Variants in CCNT1 observed in about 807,000 individuals in gnomAD.
CCNT1 encodes the protein cyclin T1, also known as cyclin-T1.
CCNT1 carries 18 observed loss-of-function variants against 67.3 expected under a neutral mutation model. The observed-to-expected ratio is 0.27, with a 90% CI of 0.18 to 0.40. The LOEUF (loss-of-function observed/expected upper bound fraction) is 0.40. Ranked by LOEUF, CCNT1 falls within the 10% of genes least tolerant of loss-of-function variation. The pLI is 1.00. For synonymous variants in CCNT1, 333 were observed against 310.3 expected, an observed-to-expected ratio of 1.07 and a Z score of -0.77; for missense variants, 744 against 884.9, an observed-to-expected ratio of 0.84 and a Z score of 2.02.
intron 6 of CCNT1, among the ~76,000 whole-genome samples, chr12:48,697,037 T>C (rs939782098): frequency 1.3e-5 from 2 of 152,120 alleles, no homozygotes. Context: ...TTTCACCATG[T>C]TGGCCAGGTT....
Position 48,698,121 on chromosome 12 carries a change from A to C in CCNT1, c.542+17T>G. The C allele has an allele frequency of 6.5e-7, 1 of 1,549,890 alleles. No homozygotes were observed. The highest frequency in any genetic ancestry group is 1.2e-5 in the South Asian group (1 of 80,400). ...CTATACCAAAAATCGAAGAGAAAAA[A>C]AAATTAAAATATAAACCTGTTGGTT... On this transcript the variant is annotated intron_variant, in intron 6 of 8. Transcript: ENST00000261900.
In CCNT1 at chr12:48,705,524, T is replaced by A. The variant is rs944525766; in HGVS notation, c.372+244A>T. 2.4e-5 allele frequency: 10 copies of A among 423,944 alleles called. No individual in the cohort carries two copies. The Admixed American group carries it at 4.4e-4, about 18-fold the overall frequency. The allele number at this position is 423,944 out of a possible 1,614,324, so 26.3% of individuals were successfully genotyped here. ...CTGGCCTAAAGTGATTCTCCCACCT[T>A]ACCCTCCCAAAGTGCTAGGATTACA... On this transcript the variant is annotated intron_variant, in intron 3 of 8. Transcript: ENST00000261900.
Position 48,691,166 on chromosome 12 carries a change from T to C in CCNT1, c.*1867A>G, listed in dbSNP as rs1281587093. The C allele has an allele frequency of 2.0e-5, 3 of 152,206 alleles. No individual in the cohort carries two copies. Among genetic ancestry groups the C allele is most frequent in the Non-Finnish European group, 2.9e-5 (2 of 68,030 alleles). 9.4% of individuals were successfully genotyped at this position (152,206 alleles called of 1,614,324 possible). On this transcript the variant is annotated 3_prime_UTR_variant, in exon 9 of 9. Coordinates refer to ENST00000261900, the MANE Select transcript of CCNT1 (RefSeq NM_001240.4). ...GCAGGAACTCTAGACAGTTCAAATA[T>C]GCAAGATGCAGGGCACTAACCCACC... is the stretch of plus-strand genomic sequence containing the variant.
chr12:48,706,070 A>G (rs1940353449), intron 2 of CCNT1, among the ~76,000 whole-genome samples, 174 bp from the exon 3 acceptor site: 1 of 151,756 alleles, frequency 6.6e-6, no homozygotes, highest in African/African-American at 2.4e-5. Flanking sequence ...CTACCCATTA[A>G]TCCATCTCCA....
Position 48,692,992 on chromosome 12 carries a change from T to C in CCNT1, c.*41A>G. On this transcript the variant is annotated 3_prime_UTR_variant, in exon 9 of 9. Transcript: ENST00000261900. ...AAAAAAAAAAAAGAAAAATTATGTG[T>C]TTTTTTAAAGAAGTTTTTTTCTCCT... 3 of 1,338,944 alleles carry C rather than the reference T, an allele frequency of 2.2e-6. No individual in the cohort carries two copies. Among genetic ancestry groups the C allele is most frequent in the Non-Finnish European group, 3.0e-6 (3 of 990,566 alleles). The allele number at this position is 1,338,944 out of a possible 1,614,324, so 82.9% of individuals were successfully genotyped here.
intron 2 of CCNT1, among the ~76,000 whole-genome samples, chr12:48,710,760 C>T (rs889199951): frequency 1.3e-5 from 2 of 152,146 alleles, no homozygotes; most frequent in Admixed American, 6.6e-5. Context: ...TTAAGCTTAA[C>T]AGATAAGAAA....
chr12:48,716,489 G>A, intron 1 of CCNT1, 26 bp downstream of exon 1: 6 of 1,589,430 alleles, frequency 3.8e-6, no homozygotes, highest in Non-Finnish European at 5.1e-6. Context: ...CAACTCCAAG[G>A]CCGAAGGCCT....
At chr12:48,696,810 T>C (rs1240200632) in intron 6 of CCNT1, among the ~76,000 whole-genome samples, 2 of 152,202 alleles carry the variant, frequency 1.3e-5, no homozygotes, top group African/African-American at 4.8e-5. Context: ...GGGCAAGTCA[T>C]TTGGTAATAC....
chr12:48,713,686 C>T (rs765530511), intron 2 of CCNT1, among the ~76,000 whole-genome samples: 9 of 152,068 alleles, frequency 5.9e-5, no homozygotes, highest in Admixed American at 2.0e-4. Context: ...TGGGAGGCTA[C>T]GGCAGGAGGA....
intron 2 of CCNT1, among the ~76,000 whole-genome samples, chr12:48,708,177 C>G (rs1940392991): frequency 6.6e-6 from 1 of 152,010 alleles, no homozygotes; most frequent in South Asian, 2.1e-4. Context: ...AGTTCAAGAT[C>G]AGCCTGCGTA....
intron 4 of CCNT1, 142 bp from the exon 5 acceptor site, chr12:48,699,982 C>A: frequency 1.7e-6 from 1 of 573,524 alleles, no homozygotes; most frequent in Non-Finnish European, 3.1e-6. Context: ...ACCAGAAAAA[C>A]ATCATTGTCC....
chr12:48,714,091 A>G (rs1565622468), intron 2 of CCNT1, among the ~76,000 whole-genome samples: 1 of 152,132 alleles, frequency 6.6e-6, no homozygotes. Flanking sequence ...GATATTTTGT[A>G]GAAATGAGGT....
At chr12:48,694,653 A>G (rs989687315) in intron 8 of CCNT1, among the ~76,000 whole-genome samples, 6 of 152,240 alleles carry the variant, frequency 3.9e-5, no homozygotes, top group African/African-American at 1.4e-4. Context: ...TTACAAAGCA[A>G]TAATAACAAC....
intron 2 of CCNT1, among the ~76,000 whole-genome samples, chr12:48,709,815 A>G (rs940850284): frequency 1.3e-5 from 2 of 152,140 alleles, no homozygotes; most frequent in Non-Finnish European, 2.9e-5. Flanking sequence ...ATTACAGAGT[A>G]GTTTTCACTT....
rs761461051 is a variant in CCNT1, at chr12:48,693,639, T to A, written c.1575A>T (p.Ser525=). 4.3e-6 allele frequency: 7 copies of A among 1,614,012 alleles called. No individual in the cohort carries two copies. The South Asian group carries it at 7.7e-5, about 18-fold the overall frequency. Reference sequence around the variant, plus strand: ...GAAGTTGGGAATGAGAGTGCTTGTGTGAGTGGTGATTATGATGATGATGAT... The same window carrying A: ...GAAGTTGGGAATGAGAGTGCTTGTGAGAGTGGTGATTATGATGATGATGAT... ...SNHHHHHNHH[S]HKHSHSQLPV... The change falls in exon 9 of 9, where the codon TCA becomes TCT. Residue 525 remains serine (S), a synonymous_variant. Transcript: ENST00000261900.
chr12:48,716,457 G>A lies in CCNT1; in HGVS notation c.161+58C>T, dbSNP rs897975816. Reference sequence around the variant, plus strand: ...GTCCCCCCCACAGAGCCTGAGACCCGGACGCCAGAGCATGGCGGGACCAAC... The same window carrying A: ...GTCCCCCCCACAGAGCCTGAGACCCAGACGCCAGAGCATGGCGGGACCAAC... On this transcript the variant is annotated intron_variant, in intron 1 of 8. Transcript: ENST00000261900. 2.1e-5 allele frequency: 31 copies of A among 1,491,882 alleles called. No homozygotes were observed. In the South Asian group the frequency reaches 3.6e-4, roughly 17 times the overall value. The allele number at this position is 1,491,882 out of a possible 1,614,324, so 92.4% of individuals were successfully genotyped here. A position where few individuals can be genotyped will look rare whatever the true frequency, so the allele number is the denominator to read the frequency against.
intron 4 of CCNT1, among the ~76,000 whole-genome samples, 164 bp from the exon 5 acceptor site, chr12:48,700,004 A>G (rs1023027267): frequency 6.6e-6 from 1 of 152,140 alleles, no homozygotes; most frequent in Non-Finnish European, 1.5e-5. Flanking sequence ...ATGAAATATA[A>G]TTTGAAGATA....
Position 48,694,446 on chromosome 12 carries a change from A to G in CCNT1, c.778-10T>C, listed in dbSNP as rs746894129. 2 of 1,605,392 alleles carry G rather than the reference A, an allele frequency of 1.2e-6. No individual in the cohort carries two copies. The highest frequency in any genetic ancestry group is 1.7e-6 in the Non-Finnish European group (2 of 1,174,216). On this transcript the variant is annotated splice_polypyrimidine_tract_variant and intron_variant, in intron 8 of 8. Coordinates refer to ENST00000261900, the MANE Select transcript of CCNT1 (RefSeq NM_001240.4). ...TGGCAGCCTCGCATGCCTGCAATGAAGCAAATAGCATCTCTTTACTTAGGT... is the reference window on the plus strand; with the variant it reads ...TGGCAGCCTCGCATGCCTGCAATGAGGCAAATAGCATCTCTTTACTTAGGT...
intron 8 of CCNT1, among the ~76,000 whole-genome samples, chr12:48,695,316 G>C (rs1940151230): frequency 6.6e-6 from 1 of 152,160 alleles, no homozygotes; most frequent in Non-Finnish European, 1.5e-5. Context: ...GCTTTGACAA[G>C]TATTTGAAAT....
Sources: gnomAD v4.1 joint callset for allele counts (sites outside exome capture counted in the v4.1 genomes callset) on GRCh38, gnomAD v4.1.1 for gene constraint, MANE v1.5 for transcripts, NCBI Gene and HGNC (gene_info 2026-07-23, HGNC 2026-07-21) for gene names.